The following TECPR2 variants were observed in gnomAD, a reference collection of about 807,000 sequenced individuals.
TECPR2 encodes tectonin beta-propeller repeat containing 2.
A neutral mutation model predicts 138.1 loss-of-function variants in TECPR2; 65 were observed. That is an observed-to-expected ratio of 0.47 (90% CI 0.39 to 0.58). The LOEUF (loss-of-function observed/expected upper bound fraction) is 0.58, where lower values mean the gene tolerates loss of function less well. Among genes scored for constraint, TECPR2 ranks in the 20% least tolerant of loss-of-function variants. TECPR2 has a pLI of 0.00. For missense variants in TECPR2, 1,553 were observed against 1,824.5 expected (o/e 0.85, Z 2.71); for synonymous variants, 746 against 749.8 (o/e 0.99, Z 0.08).
At chr14:102,377,467 A>G (rs531592511) in intron 2 of TECPR2, among the ~76,000 whole-genome samples, 83 of 152,236 alleles carry the variant, frequency 5.5e-4, no homozygotes, top group African/African-American at 1.9e-3. Flanking sequence ...GCCTAACATC[A>G]CTTTAAAAGA....
chr14:102,400,006 T>C (rs527311546), intron 2 of TECPR2, among the ~76,000 whole-genome samples: 1 of 151,890 alleles, frequency 6.6e-6, no homozygotes, highest in African/African-American at 2.4e-5. Context: ...AAGCTAGTAG[T>C]ATTGTAATGT....
chr14:102,425,303 G>T lies in TECPR2; in HGVS notation c.951+12G>T, dbSNP rs368955042. 3 of 1,565,292 alleles carry T rather than the reference G, an allele frequency of 1.9e-6. No individual in the cohort carries two copies. The highest frequency in any genetic ancestry group is 1.4e-5 in the African/African-American group (1 of 73,520). ...ACACAGTCAACCAGGTAAGTGAAGG[G>T]ACGCCACCATATCTTCTGTGTCTAT... is the stretch of plus-strand genomic sequence containing the variant. On this transcript the variant is annotated intron_variant, in intron 6 of 19. Transcript: ENST00000359520.
At chr14:102,367,664 A>G (rs1887379937) in intron 1 of TECPR2, among the ~76,000 whole-genome samples, 1 of 152,162 alleles carries the variant, frequency 6.6e-6, no homozygotes, top group South Asian at 2.1e-4. Flanking sequence ...GTTGATGGAC[A>G]GTTAGGTTGT....
chr14:102,402,364 C>T (rs1033023701), intron 2 of TECPR2, among the ~76,000 whole-genome samples: 2 of 152,056 alleles, frequency 1.3e-5, no homozygotes, highest in Non-Finnish European at 2.9e-5. Context: ...AATGAAAACA[C>T]ACATACCAAA....
chr14:102,425,685 C>A (rs1048047687), intron 6 of TECPR2, among the ~76,000 whole-genome samples: 1 of 151,802 alleles, frequency 6.6e-6, no homozygotes, highest in African/African-American at 2.4e-5. Flanking sequence ...AAGCGATTCT[C>A]CTGCCTCAGC....
intron 2 of TECPR2, among the ~76,000 whole-genome samples, chr14:102,380,845 T>A (rs556892214): frequency 6.6e-6 from 1 of 151,664 alleles, no homozygotes; most frequent in African/African-American, 2.4e-5. Flanking sequence ...CACCGGCTAA[T>A]TTTTTTGTAT....
chr14:102,431,132 T>C (rs978945060), intron 7 of TECPR2, among the ~76,000 whole-genome samples: 20 of 149,886 alleles, frequency 1.3e-4, no homozygotes, highest in African/African-American at 4.4e-4. Context: ...CAAATGATTC[T>C]CCCACCTCAG....
intron 2 of TECPR2, among the ~76,000 whole-genome samples, chr14:102,392,932 C>A (rs997872899): frequency 6.6e-6 from 1 of 152,172 alleles, no homozygotes; most frequent in Admixed American, 6.5e-5. Context: ...CTTTTTTATT[C>A]GTTCCAATCA....
rs1015027064 is a variant in TECPR2 at position 102,499,401 on chromosome 14, G to A, written c.*1144G>A. 31 of 593,450 alleles carry A rather than the reference G, an allele frequency of 5.2e-5. 1 individual carries two copies. Among genetic ancestry groups the A allele is most frequent in the South Asian group, 1.8e-4 (9 of 49,858 alleles). The allele number at this position is 593,450 out of a possible 1,614,324, so 36.8% of individuals were successfully genotyped here. On this transcript the variant is annotated 3_prime_UTR_variant, in exon 20 of 20. Coordinates refer to ENST00000359520, the MANE Select transcript of TECPR2 (RefSeq NM_014844.5). ...AATTTAGAAGAGAGATATGTTTTCC[G>A]AAAACAGTGGAAGCCCTTTGTTCCT...
chr14:102,444,074 A>G (rs921222205), intron 12 of TECPR2, among the ~76,000 whole-genome samples: 1 of 152,168 alleles, frequency 6.6e-6, no homozygotes, highest in African/African-American at 2.4e-5. Flanking sequence ...TGAGTCTGTC[A>G]TGACGGTCTC....
chr14:102,495,952 G>A (rs891328947), intron 17 of TECPR2, among the ~76,000 whole-genome samples: 4 of 152,224 alleles, frequency 2.6e-5, no homozygotes, highest in South Asian at 2.1e-4. Flanking sequence ...GTCTGGCCCC[G>A]GCAAGTGTGT....
chr14:102,473,563 C>T (rs1890693832), intron 17 of TECPR2, among the ~76,000 whole-genome samples: 1 of 152,174 alleles, frequency 6.6e-6, no homozygotes, highest in African/African-American at 2.4e-5. Flanking sequence ...TGAAGTGAAG[C>T]CACAGAAATC....
Position 102,363,111 on chromosome 14 carries a change from C to CG in TECPR2, c.-75dup. The CG allele has an allele frequency of 2.5e-6, 1 of 403,182 alleles. No individual in the cohort carries two copies. The highest frequency in any genetic ancestry group is 4.4e-6 in the Non-Finnish European group (1 of 229,148). The allele number at this position is 403,182 out of a possible 1,614,324, so 25.0% of individuals were successfully genotyped here. A position where few individuals can be genotyped will look rare whatever the true frequency, so the allele number is the denominator to read the frequency against. Reference sequence around the variant, plus strand: ...GCCGACGAGTCCGGAGGGGCTGCCGCGGGAGGTGAGTCCGGCGACGCCGCA... The same window carrying CG: ...GCCGACGAGTCCGGAGGGGCTGCCGCGGGGAGGTGAGTCCGGCGACGCCGCA... On this transcript the variant is annotated 5_prime_UTR_variant, in exon 1 of 20. Coordinates refer to ENST00000359520, the MANE Select transcript of TECPR2 (RefSeq NM_014844.5).
intron 16 of TECPR2, among the ~76,000 whole-genome samples, chr14:102,459,926 C>T (rs919044945): frequency 1.3e-5 from 2 of 152,138 alleles, no homozygotes; most frequent in East Asian, 3.9e-4. Context: ...GCAGCACTAA[C>T]TCATTGTTAG....
At position 102,428,563 on chromosome 14, in the gene TECPR2, C is replaced by G. The variant is rs183820202; in HGVS notation, c.1084+181C>G. Among the ~76,000 whole-genome samples the G allele has an allele frequency of 4.6e-5, 7 of 151,980 alleles. No individual in the cohort carries two copies. In the East Asian group the frequency reaches 1.4e-3, roughly 30 times the overall value. On this transcript the variant is annotated intron_variant, in intron 7 of 19. Transcript: ENST00000359520. ...ATCGCTTAAGCTCAGGACTTTAAGACCAGCCTGGGCAACATGGTAAAACCC... is the reference window on the plus strand; with the variant it reads ...ATCGCTTAAGCTCAGGACTTTAAGAGCAGCCTGGGCAACATGGTAAAACCC...
intron 10 of TECPR2, 49 bp downstream of exon 10, chr14:102,438,254 C>G (rs1191971300): frequency 1.3e-6 from 2 of 1,561,266 alleles, no homozygotes; most frequent in Admixed American, 1.8e-5. Context: ...GCTCGCCGCT[C>G]CTGCTCCCCG....
chr14:102,366,912 C>G (rs1451782883), intron 1 of TECPR2, among the ~76,000 whole-genome samples: 1 of 152,158 alleles, frequency 6.6e-6, no homozygotes, highest in East Asian at 1.9e-4. Context: ...CTTGAGTGAT[C>G]TGGTCAGAGA....
In TECPR2 at chr14:102,499,706, C is replaced by T; in HGVS notation, c.*1449C>T. ...GCCCTGCCACACATCCCGCCCCCTC[C>T]CGGAGGCAGCTTCAGGACAGGACAC... On this transcript the variant is annotated 3_prime_UTR_variant, in exon 20 of 20. Coordinates refer to ENST00000359520, the MANE Select transcript of TECPR2 (RefSeq NM_014844.5). 1 of 171,372 alleles carries T rather than the reference C, an allele frequency of 5.8e-6. No individual in the cohort carries two copies. 10.6% of individuals were successfully genotyped at this position (171,372 alleles called of 1,614,324 possible).
chr14:102,384,250 A>AT (rs1887927335), intron 2 of TECPR2, among the ~76,000 whole-genome samples: 1 of 151,720 alleles, frequency 6.6e-6, no homozygotes, highest in South Asian at 2.1e-4. Context: ...ACTATTTTTA[A>AT]TTTTTTTAAA....
Sources: gnomAD v4.1 joint callset for allele counts (sites outside exome capture counted in the v4.1 genomes callset) on GRCh38, gnomAD v4.1.1 for gene constraint, MANE v1.5 for transcripts, NCBI Gene and HGNC (gene_info 2026-07-23, HGNC 2026-07-21) for gene names.